Variants in ISLR2 observed in about 807,000 individuals in gnomAD.
ISLR2 encodes the protein immunoglobulin superfamily containing leucine-rich repeat protein 2.
ISLR2 carries 16 observed loss-of-function variants against 25.5 expected under a neutral mutation model. The observed-to-expected ratio is 0.63, with a 90% CI of 0.43 to 0.95. The LOEUF (loss-of-function observed/expected upper bound fraction) is 0.95. Among genes scored for constraint, ISLR2 ranks in the 40% least tolerant of loss-of-function variants. The probability of loss-of-function intolerance (pLI) is 0.00; values close to 1 mark genes in which losing one functional copy is unlikely to be tolerated. For missense variants in ISLR2, 883 were observed against 1,030.7 expected (o/e 0.86, Z 1.96); for synonymous variants, 508 against 486.6 (o/e 1.04, Z -0.58).
At chr15:74,128,390 G>A (rs1297307231), upstream of ISLR2, 1 of 442,184 alleles carries the variant, frequency 2.3e-6, no homozygotes, top group East Asian at 7.0e-5. Flanking sequence ...GGGCCCGCGG[G>A]AGTCAGCTCC....
chr15:74,117,944 A>G (rs1277192744), intron 2 of ISLR2, among the ~76,000 whole-genome samples: 2 of 152,152 alleles, frequency 1.3e-5, no homozygotes, highest in African/African-American at 2.4e-5. Context: ...ATCTCCTCTT[A>G]TCGATCCCGG....
At chr15:74,116,837 T>C in intron 2 of ISLR2, among the ~76,000 whole-genome samples, 1 of 152,212 alleles carries the variant, frequency 6.6e-6, no homozygotes, top group Non-Finnish European at 1.5e-5. Flanking sequence ...GCATTGCTCC[T>C]GGAAGTGGGA....
rs779383866 is a variant in ISLR2, at chr15:74,134,145, C to T, written c.1391C>T (p.Pro464Leu). Residue 464 changes from proline (P) to leucine (L), a missense_variant, in exon 3 of 3, where the codon CCC becomes CTC. Pro to Leu is a moderately conservative substitution (Grantham distance 98). Transcript: ENST00000453268. Reference protein sequence around the residue: ...AEEQRCGNGDPSRYVSNHAFN... With the variant: ...AEEQRCGNGDLSRYVSNHAFN... ...GAGCAGCGCTGTGGCAACGGGGACC[C>T]CTCTCGGTACGTTTCTAACCACGCG... 12 of 1,613,364 alleles carry T rather than the reference C, an allele frequency of 7.4e-6. No homozygotes were observed. Among genetic ancestry groups the T allele is most frequent in the Non-Finnish European group, 1.0e-5 (12 of 1,179,812 alleles).
chr15:74,128,380 G>A (rs1395981316), upstream of ISLR2: 1 of 441,448 alleles, frequency 2.3e-6, no homozygotes, highest in South Asian at 1.6e-5. Flanking sequence ...TAGAGCCTCC[G>A]GGCCCGCGGG....
At chr15:74,131,401 G>A (rs1437898759) in intron 2 of ISLR2, 85 bp downstream of exon 2, 1 of 152,792 alleles carries the variant, frequency 6.5e-6, no homozygotes, top group African/African-American at 2.4e-5. Flanking sequence ...GGGGCTGGTG[G>A]GGGTGCTGTC....
chr15:74,116,551 C>T (rs1458925530), intron 2 of ISLR2, among the ~76,000 whole-genome samples: 2 of 139,658 alleles, frequency 1.4e-5, no homozygotes, highest in Admixed American at 7.2e-5. Context: ...AAAAATGACA[C>T]TGGATAGAAA....
At chr15:74,106,691 C>T (rs1235957004) in intron 2 of ISLR2, among the ~76,000 whole-genome samples, 2 of 152,118 alleles carry the variant, frequency 1.3e-5, no homozygotes, top group African/African-American at 2.4e-5. Flanking sequence ...ATGACTTGCC[C>T]AGGGCCCCAG....
intron 2 of ISLR2, among the ~76,000 whole-genome samples, chr15:74,111,790 T>C (rs2072170242): frequency 6.6e-6 from 1 of 152,110 alleles, no homozygotes; most frequent in South Asian, 2.1e-4. Context: ...GACAGCAGAT[T>C]AGTGGTTGTC....
At chr15:74,114,769 C>T (rs1187414198) in intron 2 of ISLR2, among the ~76,000 whole-genome samples, 2 of 152,046 alleles carry the variant, frequency 1.3e-5, no homozygotes, top group African/African-American at 4.8e-5. Context: ...GAGAACAGGT[C>T]GAGCAGAACT....
At chr15:74,123,598 C>T (rs1473356053), upstream of ISLR2, among the ~76,000 whole-genome samples, 1 of 151,944 alleles carries the variant, frequency 6.6e-6, no homozygotes, top group East Asian at 1.9e-4. Flanking sequence ...CTTTGCACTG[C>T]CCCACATTTT....
intron 2 of ISLR2, among the ~76,000 whole-genome samples, chr15:74,110,484 A>C (rs1288080214): frequency 1.3e-5 from 2 of 152,226 alleles, no homozygotes; most frequent in Non-Finnish European, 2.9e-5. Context: ...GGTGAATGGT[A>C]AAGCAAACTG....
At chr15:74,102,914 TCTC>T (rs2072091481) in intron 1 of ISLR2, among the ~76,000 whole-genome samples, 1 of 151,248 alleles carries the variant, frequency 6.6e-6, no homozygotes, top group Non-Finnish European at 1.5e-5. Flanking sequence ...TTCAAGCAAT[TCTC>T]CTGCCTCAGC....
At position 74,114,381 on chromosome 15, in the gene ISLR2, T is replaced by G. The variant is rs118117688; in HGVS notation, n.228+10467T>G. Among the ~76,000 whole-genome samples the G allele has an allele frequency of 9.7e-3, 1,482 of 152,052 alleles. 11 individuals carry two copies. The highest frequency in any genetic ancestry group is 0.017 in the Non-Finnish European group (1,157 of 68,000). ...AACAGTTCTAAGAAAAATGGAAAAA[T>G]ATATATGAAAGTTCAAAGAAAAAGA... is the stretch of plus-strand genomic sequence containing the variant. On this transcript the variant is annotated intron_variant and non_coding_transcript_variant, in intron 2 of 3. Transcript: ENST00000561975.
chr15:74,132,911 G>A lies in ISLR2; in HGVS notation c.157G>A (p.Val53Met). Reference protein sequence around the residue: ...REVPEGLPANVTTLSLSANKI... With the variant: ...REVPEGLPANMTTLSLSANKI... ...GGTGCCGGAAGGACTGCCTGCCAAC[G>A]TGACGACGCTTAGTCTGTCCGCGAA... The change falls in exon 3 of 3, where the codon GTG (valine) becomes ATG (methionine). Residue 53 changes from valine to methionine, a missense_variant. Coordinates refer to ENST00000453268, the MANE Select transcript of ISLR2 (RefSeq NM_020851.3). The surrounding 1 kb of genome is among the most constrained non-coding windows in gnomAD (Gnocchi z 4.3). 6.2e-7 allele frequency: 1 copy of A among 1,614,068 alleles called. No homozygotes were observed. The highest frequency in any genetic ancestry group is 2.2e-5 in the East Asian group (1 of 44,882).
rs548469002 is a variant in ISLR2, at chr15:74,108,691, A to G, written n.228+4777A>G. 2.6e-5 allele frequency among the ~76,000 whole-genome samples: 4 copies of G among 152,346 alleles called. No homozygotes were observed. The South Asian group carries it at 8.3e-4, about 32-fold the overall frequency. On this transcript the variant is annotated intron_variant and non_coding_transcript_variant, in intron 2 of 3. Coordinates refer to the ISLR2 transcript ENST00000561975. ...TACCCACTGTCCACCTTTCTGTACC[A>G]GGCCAGGGGTAATGGGTCAAGCGGA... is the stretch of plus-strand genomic sequence containing the variant.
At chr15:74,103,360 C>A (rs1348113682) in intron 1 of ISLR2, among the ~76,000 whole-genome samples, 1 of 150,898 alleles carries the variant, frequency 6.6e-6, no homozygotes, top group Non-Finnish European at 1.5e-5. Context: ...CCCAGGACTT[C>A]TGGAGGCTGA....
upstream of ISLR2, chr15:74,129,023 C>G (rs887550124): frequency 2.2e-6 from 1 of 456,636 alleles, no homozygotes; most frequent in Non-Finnish European, 4.4e-6. The surrounding 1 kb of genome is among the most constrained non-coding windows in gnomAD (Gnocchi z 4.5). Flanking sequence ...AGGGACGGGT[C>G]ACAGTGCTCT....
At chr15:74,139,793 A>G (rs902011572), downstream of ISLR2, among the ~76,000 whole-genome samples, 1 of 150,972 alleles carries the variant, frequency 6.6e-6, no homozygotes, top group Non-Finnish European at 1.5e-5. Context: ...GCTAGCTTCA[A>G]TCTCTCCAGT....
chr15:74,114,642 A>G (rs141980396), intron 2 of ISLR2, among the ~76,000 whole-genome samples: 2 of 152,150 alleles, frequency 1.3e-5, no homozygotes, highest in Non-Finnish European at 2.9e-5. Flanking sequence ...AGATGTAAAC[A>G]ACATCCTGCA....
Sources: allele counts gnomAD v4.1 joint callset (sites outside exome capture counted in the v4.1 genomes callset), GRCh38; gene constraint gnomAD v4.1.1; non-coding constraint Gnocchi (gnomAD v3.1); transcripts MANE v1.5; gene names NCBI Gene and HGNC (gene_info 2026-07-23, HGNC 2026-07-21).